CUBN: variants seen among roughly 807,000 people sequenced by gnomAD.
CUBN encodes the protein 460 kDa receptor.
A neutral mutation model predicts 405.3 loss-of-function variants in CUBN; 282 were observed. The ratio of observed to expected loss-of-function variants is 0.70; its 90% confidence interval spans 0.63 to 0.77. The LOEUF is 0.77. Ranked by LOEUF, CUBN falls within the 30% of genes least tolerant of loss-of-function variation. The pLI is 0.00. For synonymous variants in CUBN, 1,684 were observed against 1,617.0 expected (o/e 1.04, Z -0.99); for missense variants, 4,514 against 4,475.2 (o/e 1.01, Z -0.25).
chr10:17,015,627 T>C (rs73598154), intron 28 of CUBN, among the ~76,000 whole-genome samples: 30,441 of 152,062 alleles, frequency 0.2, 3,444 homozygotes, highest in African/African-American at 0.3. Flanking sequence ...CGGGGCTCAA[T>C]AAGGGTCATA....
At chr10:16,952,190 T>G in intron 33 of CUBN, 86 bp downstream of exon 33, 4 of 911,302 alleles carry the variant, frequency 4.4e-6, no homozygotes, top group Non-Finnish European at 7.3e-6. Flanking sequence ...TTGTTAGCAC[T>G]GAGATAAGAA....
Position 16,915,966 on chromosome 10 carries a change from A to T in CUBN, c.7065T>A (p.Leu2355=). ...GVVESIGHPT[L]PYRDNLFCEW... ...CACAGAATAAGTTGTCTCTGTATGG[A>T]AGTGTTGGATGTCCAATGCTTTCAA... is the stretch of plus-strand genomic sequence containing the variant. Residue 2355 remains leucine, a synonymous_variant, in exon 46 of 67, where the codon CTT becomes CTA. Transcript: ENST00000377833. The T allele has an allele frequency of 6.2e-7, 1 of 1,614,134 alleles. No homozygotes were observed. Among genetic ancestry groups the T allele is most frequent in the African/African-American group, 1.3e-5 (1 of 75,036 alleles).
At chr10:17,125,215 A>G (rs553057182) in intron 4 of CUBN, among the ~76,000 whole-genome samples, 36 of 152,272 alleles carry the variant, frequency 2.4e-4, no homozygotes, top group Admixed American at 1.8e-3. Flanking sequence ...ATACATATAT[A>G]TTATATATGT....
chr10:17,129,742 A>G lies in CUBN; in HGVS notation c.24T>C (p.Phe8=). 2 of 1,614,132 alleles carry G rather than the reference A, an allele frequency of 1.2e-6. No homozygotes were observed. The highest frequency in any genetic ancestry group is 1.7e-6 in the Non-Finnish European group (2 of 1,179,968). MMNMSLP[F]LWSLLTLLIF... ...TTAATAAGGTAAGCAAACTCCAAAG[A>G]AAAGGTAAAGACATGTTCATCATCA... The change falls in exon 1 of 67, where the codon TTT becomes TTC. Residue 8 remains phenylalanine, a synonymous_variant. Coordinates refer to ENST00000377833, the MANE Select transcript of CUBN (RefSeq NM_001081.4).
At chr10:16,981,024 G>T (rs1833255066) in intron 31 of CUBN, among the ~76,000 whole-genome samples, 1 of 152,028 alleles carries the variant, frequency 6.6e-6, no homozygotes, top group African/African-American at 2.4e-5. Flanking sequence ...ATGCTTGGTA[G>T]AAGAGGTTGA....
chr10:17,038,157 G>T (rs191670018), intron 27 of CUBN, among the ~76,000 whole-genome samples: 1 of 152,072 alleles, frequency 6.6e-6, no homozygotes, highest in Non-Finnish European at 1.5e-5. Flanking sequence ...CATGCTCCCT[G>T]TTGACTTAAC....
rs781180388 is a variant in CUBN, at chr10:16,928,241, G to A, written c.6187C>T (p.Arg2063Trp). The A allele has an allele frequency of 6.2e-5, 100 of 1,613,802 alleles. No homozygotes were observed. Among genetic ancestry groups the A allele is most frequent in the Non-Finnish European group, 7.1e-5 (84 of 1,179,870 alleles). Residue 2063 changes from arginine (R) to tryptophan (W), a missense_variant, in exon 41 of 67, where the codon CGG (arginine) becomes TGG (tryptophan). Coordinates refer to ENST00000377833, the MANE Select transcript of CUBN (RefSeq NM_001081.4). ...ATGAACATGTACTCTCCAGTAGACC[G>A]GATGGGCCCAGGGATCTCTCTGCCA... ...LCGREIPGPI[R>W]STGEYMFIRF...
At chr10:17,016,532 C>T (rs981000882) in intron 28 of CUBN, among the ~76,000 whole-genome samples, 1 of 152,184 alleles carries the variant, frequency 6.6e-6, no homozygotes, top group Admixed American at 6.5e-5. Flanking sequence ...TTGCCCTAGA[C>T]CCTGTAGGAC....
chr10:16,969,417 C>T (rs1024442016), intron 31 of CUBN, among the ~76,000 whole-genome samples: 1 of 151,620 alleles, frequency 6.6e-6, no homozygotes, highest in African/African-American at 2.4e-5. Context: ...TGCAGTGGCA[C>T]GATCTCAGCT....
intron 60 of CUBN, among the ~76,000 whole-genome samples, chr10:16,841,338 C>T (rs1380609523): frequency 6.6e-6 from 1 of 152,204 alleles, no homozygotes; most frequent in Non-Finnish European, 1.5e-5. Context: ...TCTGCACCGA[C>T]TCACACTATG....
chr10:17,041,289 C>T (rs896712823), intron 26 of CUBN, 69 bp from the exon 27 acceptor site: 3 of 1,321,354 alleles, frequency 2.3e-6, no homozygotes, highest in African/African-American at 1.5e-5. Context: ...TGAGATTTTC[C>T]TTTAAAAAAA....
chr10:16,925,565 G>C lies in CUBN; in HGVS notation c.6462+19C>G, dbSNP rs372356491. 839 of 1,613,244 alleles carry C rather than the reference G, an allele frequency of 5.2e-4. 18 individuals carry two copies. The South Asian group carries it at 7.7e-3, about 15-fold the overall frequency. Reference sequence around the variant, plus strand: ...AGTCTATGGAAAATGTAATTAGAAAGGGTAGCAGCAAGACCTACCACCAAG... The same window carrying C: ...AGTCTATGGAAAATGTAATTAGAAACGGTAGCAGCAAGACCTACCACCAAG... On this transcript the variant is annotated intron_variant, in intron 42 of 66. Coordinates refer to ENST00000377833, the MANE Select transcript of CUBN (RefSeq NM_001081.4).
In CUBN at chr10:17,004,044, C is replaced by A. The variant is rs147194255; in HGVS notation, c.4169-13529G>T. ...GCCTCATATCCCACTGTCTTCATTA[C>A]ATCAGGCTTGTTTCTCTCTCTTTCT... On this transcript the variant is annotated intron_variant, in intron 28 of 66. Transcript: ENST00000377833. Among the ~76,000 whole-genome samples the A allele has an allele frequency of 1.9e-3, 283 of 152,330 alleles. 2 individuals are homozygous for A. The highest frequency in any genetic ancestry group is 3.5e-3 in the Non-Finnish European group (241 of 68,016).
At position 16,874,497 on chromosome 10, in the gene CUBN, C is replaced by T. The variant is rs1042109996; in HGVS notation, c.9113G>A (p.Gly3038Asp). ...TCCAGAAGAGAAATTGAACACACCACCACAGGCTGCAACAGAAGACAAGGG... is the reference window on the plus strand; with the variant it reads ...TCCAGAAGAGAAATTGAACACACCATCACAGGCTGCAACAGAAGACAAGGG... ...FKFSYRIISC[G>D]GVFNFSSGII... Residue 3038 changes from glycine (G) to aspartate (D), a missense_variant, in exon 58 of 67, where the codon GGT becomes GAT. Gly to Asp is a moderately conservative substitution (Grantham distance 94). Transcript: ENST00000377833. The T allele has an allele frequency of 6.2e-7, 1 of 1,614,016 alleles. No individual in the cohort carries two copies. The highest frequency in any genetic ancestry group is 1.3e-5 in the African/African-American group (1 of 74,904).
chr10:17,088,402 A>G (rs1390529285), intron 14 of CUBN, 57 bp from the exon 15 acceptor site: 3 of 1,460,844 alleles, frequency 2.1e-6, no homozygotes, highest in Non-Finnish European at 2.9e-6. Context: ...ATTTATGGAG[A>G]ATGATCAGAG....
In CUBN at chr10:17,127,706, G is replaced by A. The variant is rs550065919; in HGVS notation, c.348+123C>T. On this transcript the variant is annotated intron_variant, in intron 3 of 66. Transcript: ENST00000377833. Reference sequence around the variant, plus strand: ...CAGCTGTGTCATTTAACCAAACAGTGAGTAGTTACATGCTAAATCTCTAAA... The same window carrying A: ...CAGCTGTGTCATTTAACCAAACAGTAAGTAGTTACATGCTAAATCTCTAAA... 51 of 666,934 alleles carry A rather than the reference G, an allele frequency of 7.6e-5. No homozygotes were observed. The South Asian group carries it at 8.9e-4, about 12-fold the overall frequency. 41.3% of individuals were successfully genotyped at this position (666,934 alleles called of 1,614,324 possible).
At chr10:16,998,038 AG>A (rs1202512300) in intron 28 of CUBN, among the ~76,000 whole-genome samples, 1 of 152,214 alleles carries the variant, frequency 6.6e-6, no homozygotes, top group East Asian at 1.9e-4. Flanking sequence ...AGTAATATAA[AG>A]GCCAAGGAAC....
chr10:17,119,298 C>T (rs1226482629), intron 6 of CUBN, among the ~76,000 whole-genome samples: 2 of 152,110 alleles, frequency 1.3e-5, no homozygotes, highest in Non-Finnish European at 2.9e-5. Flanking sequence ...AGATCTGAGC[C>T]CTAAATGTAC....
chr10:16,848,066 G>C (rs1426914475), intron 60 of CUBN, among the ~76,000 whole-genome samples: 2 of 152,092 alleles, frequency 1.3e-5, no homozygotes, highest in African/African-American at 4.8e-5. Context: ...AACAAGAATA[G>C]TTCTGAACAG....
Sources: allele counts gnomAD v4.1 joint callset (sites outside exome capture counted in the v4.1 genomes callset), GRCh38; gene constraint gnomAD v4.1.1; transcripts MANE v1.5; gene names NCBI Gene and HGNC (gene_info 2026-07-23, HGNC 2026-07-21).